Variants in VAV3 observed in about 807,000 individuals in gnomAD.
The protein encoded by VAV3 is vav guanine nucleotide exchange factor 3, also known as guanine nucleotide exchange factor VAV3.
VAV3 carries 94 observed loss-of-function variants against 131.2 expected under a neutral mutation model. The observed-to-expected ratio is 0.72, with a 90% CI of 0.61 to 0.85. VAV3 has a LOEUF of 0.85. Among genes scored for constraint, VAV3 ranks in the 40% least tolerant of loss-of-function variants. VAV3 has a pLI of 0.00. For missense variants in VAV3, 939 were observed against 1,002.7 expected (o/e 0.94, Z 0.86); for synonymous variants, 349 against 342.0 (o/e 1.02, Z -0.22).
At chr1:107,804,514 C>T (rs1384934086) in intron 2 of VAV3, among the ~76,000 whole-genome samples, 3 of 152,078 alleles carry the variant, frequency 2.0e-5, no homozygotes, top group Admixed American at 2.0e-4. Context: ...AAAAAAGAAA[C>T]AAGAGAGAAC....
intron 20 of VAV3, among the ~76,000 whole-genome samples, chr1:107,636,912 G>A (rs1381043885): frequency 5.9e-5 from 9 of 152,052 alleles, no homozygotes; most frequent in Admixed American, 4.6e-4. Context: ...AAATCAGTGA[G>A]CAAACACCCT....
At chr1:107,792,607 T>C (rs1477877803) in intron 2 of VAV3, among the ~76,000 whole-genome samples, 7 of 152,230 alleles carry the variant, frequency 4.6e-5, no homozygotes, top group Admixed American at 4.6e-4. Flanking sequence ...GTTGAGTCTG[T>C]AGCATTTGGG....
chr1:107,771,532 C>T, intron 5 of VAV3, among the ~76,000 whole-genome samples: 1 of 152,282 alleles, frequency 6.6e-6, no homozygotes, highest in South Asian at 2.1e-4. Flanking sequence ...GGATTACAAG[C>T]GCGAGCTACC....
chr1:107,823,190 C>T (rs1004875684), intron 2 of VAV3, among the ~76,000 whole-genome samples: 9 of 152,130 alleles, frequency 5.9e-5, no homozygotes, highest in Non-Finnish European at 1.0e-4. Context: ...GAAAAACTTG[C>T]TTACAACAGT....
At chr1:107,601,575 G>C (rs1234915370) in intron 24 of VAV3, among the ~76,000 whole-genome samples, 1 of 152,100 alleles carries the variant, frequency 6.6e-6, no homozygotes, top group Admixed American at 6.6e-5. Context: ...GTACTTAGCA[G>C]TACAAATGCA....
chr1:107,767,068 T>C (rs775363270), intron 7 of VAV3, among the ~76,000 whole-genome samples: 16 of 152,380 alleles, frequency 1.1e-4, no homozygotes, highest in Non-Finnish European at 1.6e-4. Flanking sequence ...TAATGACTCA[T>C]GTCCTTGTGA....
At chr1:107,808,864 T>A (rs1023072870) in intron 2 of VAV3, among the ~76,000 whole-genome samples, 4 of 152,302 alleles carry the variant, frequency 2.6e-5, no homozygotes, top group Admixed American at 2.0e-4. Flanking sequence ...ATCAAAATAT[T>A]TATCCATATG....
chr1:107,573,274 C>G lies in VAV3; in HGVS notation c.*57G>C. ...CAGTTAATTCACGATGCTGTGCAGG[C>G]TTCTATTTATCCCTTCTCTGAAATT... is the stretch of plus-strand genomic sequence containing the variant. On this transcript the variant is annotated 3_prime_UTR_variant, in exon 27 of 27. Transcript: ENST00000370056. 6.3e-7 allele frequency: 1 copy of G among 1,593,212 alleles called. No individual in the cohort carries two copies. Among genetic ancestry groups the G allele is most frequent in the South Asian group, 1.1e-5 (1 of 88,838 alleles).
At chr1:107,741,643 A>AAT (rs1370513155) in intron 15 of VAV3, among the ~76,000 whole-genome samples, 7 of 152,198 alleles carry the variant, frequency 4.6e-5, no homozygotes, top group African/African-American at 1.7e-4. Context: ...AAATTAAAAA[A>AAT]ATATATACAC....
At chr1:107,761,217 A>G (rs185720735) in intron 9 of VAV3, among the ~76,000 whole-genome samples, 2,510 of 152,024 alleles carry the variant, frequency 0.017, 35 homozygotes, top group Admixed American at 0.032. Flanking sequence ...GTGAAACCCC[A>G]TCTCTACTGA....
intron 1 of VAV3, among the ~76,000 whole-genome samples, chr1:107,925,944 G>A (rs1673138648): frequency 6.6e-6 from 1 of 151,188 alleles, no homozygotes; most frequent in African/African-American, 2.4e-5. Context: ...AAACAGAGAT[G>A]TATCTCTTGC....
intron 20 of VAV3, among the ~76,000 whole-genome samples, chr1:107,627,104 C>T (rs1654079371): frequency 6.6e-6 from 1 of 152,128 alleles, no homozygotes; most frequent in Admixed American, 6.5e-5. Flanking sequence ...CACTCAGCTG[C>T]ACCTCCCTTC....
chr1:107,613,650 G>C (rs918070998), intron 21 of VAV3, among the ~76,000 whole-genome samples: 2 of 151,920 alleles, frequency 1.3e-5, no homozygotes, highest in South Asian at 4.1e-4. Context: ...TGCTATATTT[G>C]TGGATTTAAT....
At chr1:107,774,181 C>T (rs1017343077) in intron 4 of VAV3, among the ~76,000 whole-genome samples, 3 of 152,114 alleles carry the variant, frequency 2.0e-5, no homozygotes, top group African/African-American at 7.2e-5. Flanking sequence ...ATTCTTCTGC[C>T]TCAGCCTCCT....
At chr1:107,907,033 G>C (rs1672143748) in intron 1 of VAV3, among the ~76,000 whole-genome samples, 1 of 152,190 alleles carries the variant, frequency 6.6e-6, no homozygotes, top group Non-Finnish European at 1.5e-5. Context: ...GGGCCTAAGT[G>C]TTAAAACCAT....
chr1:107,631,136 A>G (rs1333759022), intron 20 of VAV3, among the ~76,000 whole-genome samples: 1 of 152,186 alleles, frequency 6.6e-6, no homozygotes, highest in African/African-American at 2.4e-5. Context: ...TATCAAAGCC[A>G]AAGTATTGTA....
intron 25 of VAV3, among the ~76,000 whole-genome samples, chr1:107,584,395 A>G (rs1558066295): frequency 6.6e-6 from 1 of 152,242 alleles, no homozygotes; most frequent in Non-Finnish European, 1.5e-5. Flanking sequence ...ACAAAAGCCA[A>G]AATTGACAAA....
intron 25 of VAV3, among the ~76,000 whole-genome samples, chr1:107,580,351 T>A (rs550192427): frequency 6.6e-6 from 1 of 152,270 alleles, no homozygotes; most frequent in African/African-American, 2.4e-5. Context: ...AAGCGAAATA[T>A]ATTCGGGTTC....
At chr1:107,635,386 C>T (rs1043460801) in intron 20 of VAV3, among the ~76,000 whole-genome samples, 7 of 146,990 alleles carry the variant, frequency 4.8e-5, no homozygotes, top group East Asian at 2.0e-4. Flanking sequence ...AACCAAACAC[C>T]GCATGTTCTC....
Sources: gnomAD v4.1 joint callset for allele counts (sites outside exome capture counted in the v4.1 genomes callset) on GRCh38, gnomAD v4.1.1 for gene constraint, MANE v1.5 for transcripts, NCBI Gene and HGNC (gene_info 2026-07-23, HGNC 2026-07-21) for gene names.